The following DAB1 variants were observed in gnomAD, a reference collection of about 807,000 sequenced individuals.
The protein encoded by DAB1 is DAB adaptor protein 1, also known as disabled homolog 1.
Under a neutral mutation model 64.6 loss-of-function variants are expected in DAB1, and 15 were observed. That is an observed-to-expected ratio of 0.23 (90% confidence interval 0.16 to 0.36). The LOEUF is 0.36. DAB1 is among the 10% of genes least tolerant of loss of function. The probability of loss-of-function intolerance (pLI) is 1.00; values close to 1 mark genes in which losing one functional copy is unlikely to be tolerated. For synonymous variants in DAB1, 235 were observed against 251.9 expected (o/e 0.93, Z 0.64); for missense variants, 596 against 706.7 (o/e 0.84, Z 1.78).
intron 9 of DAB1, among the ~76,000 whole-genome samples, chr1:57,035,993 C>G (rs958509241): frequency 1.3e-5 from 2 of 151,840 alleles, no homozygotes; most frequent in African/African-American, 4.8e-5. Context: ...TAGGTGCATA[C>G]CACCATGCCT....
chr1:57,996,295 C>A (rs1646424225), intron 5 of DAB1, among the ~76,000 whole-genome samples: 1 of 152,070 alleles, frequency 6.6e-6, no homozygotes, highest in South Asian at 2.1e-4. Context: ...CTTCCCCATT[C>A]AGAATTGTGA....
At chr1:57,431,629 G>A (rs531243879) in intron 7 of DAB1, among the ~76,000 whole-genome samples, 5 of 152,262 alleles carry the variant, frequency 3.3e-5, no homozygotes, top group Admixed American at 6.5e-5. Context: ...AGCGGGTAGC[G>A]GACAGCAGCA....
Position 57,567,659 on chromosome 1 carries a change from A to C in DAB1, n.625+81933T>G, listed in dbSNP as rs528368289. Among the ~76,000 whole-genome samples the C allele has an allele frequency of 4.7e-4, 71 of 152,356 alleles. 1 individual carries two copies. In the South Asian group the frequency reaches 0.015, roughly 32 times the overall value. The stretch of plus-strand genomic sequence containing the variant: ...CAGACAAACAGAGAGCCAAATCATG[A>C]GTGAACTCCCATTCACAATTGCTTA... On this transcript the variant is annotated intron_variant and non_coding_transcript_variant, in intron 7 of 20. Coordinates refer to the DAB1 transcript ENST00000485760.
intron 2 of DAB1, among the ~76,000 whole-genome samples, chr1:58,525,518 T>G (rs1184125906): frequency 6.6e-6 from 1 of 152,088 alleles, no homozygotes; most frequent in Non-Finnish European, 1.5e-5. Context: ...ACAAAAGATG[T>G]GTAATTCCTA....
At chr1:57,240,947 G>C (rs532635893) in intron 2 of DAB1, among the ~76,000 whole-genome samples, 11 of 152,126 alleles carry the variant, frequency 7.2e-5, no homozygotes, top group African/African-American at 2.7e-4. Flanking sequence ...GCATCTCCTG[G>C]TGGGATTTTT....
At chr1:58,057,061 T>A (rs72906515) in intron 5 of DAB1, among the ~76,000 whole-genome samples, 6,190 of 152,158 alleles carry the variant, frequency 0.041, 418 homozygotes, top group African/African-American at 0.14. Context: ...AGGACCCTAA[T>A]TGATGACACA....
chr1:57,057,687 A>T (rs1483109588), intron 9 of DAB1, among the ~76,000 whole-genome samples: 1 of 150,262 alleles, frequency 6.7e-6, no homozygotes, highest in Non-Finnish European at 1.5e-5. Context: ...GGCTCACTGC[A>T]AGCTCTGCCT....
intron 4 of DAB1, among the ~76,000 whole-genome samples, chr1:58,222,384 C>G (rs1264500258): frequency 6.6e-6 from 1 of 152,152 alleles, no homozygotes. Flanking sequence ...ATGTTCATTG[C>G]ACCAAGCCTG....
intron 1 of DAB1, among the ~76,000 whole-genome samples, chr1:57,883,469 G>A (rs1319501953): frequency 6.6e-6 from 1 of 152,194 alleles, no homozygotes; most frequent in Non-Finnish European, 1.5e-5. Context: ...ATAAGGCAGA[G>A]AGCACAACCC....
At chr1:58,181,429 T>C (rs901175229) in intron 4 of DAB1, among the ~76,000 whole-genome samples, 9 of 152,160 alleles carry the variant, frequency 5.9e-5, no homozygotes, top group Admixed American at 6.5e-5. Flanking sequence ...AGTTAATTCA[T>C]TTACATCTAA....
chr1:57,963,385 T>G (rs1267904897), intron 5 of DAB1, among the ~76,000 whole-genome samples: 4 of 152,188 alleles, frequency 2.6e-5, no homozygotes. Flanking sequence ...AGGTATCTTA[T>G]CTGTAGTTTC....
chr1:57,647,896 A>G (rs1426373068), intron 7 of DAB1, among the ~76,000 whole-genome samples: 1 of 152,228 alleles, frequency 6.6e-6, no homozygotes, highest in East Asian at 1.9e-4. Context: ...AGGCACATGT[A>G]TGAGAAAGCT....
At chr1:58,201,022 G>GTTT (rs201977266) in intron 4 of DAB1, among the ~76,000 whole-genome samples, 165 of 143,074 alleles carry the variant, frequency 1.2e-3, no homozygotes, top group East Asian at 5.7e-3. Flanking sequence ...TGTTTGTTTT[G>GTTT]TTTTTTTTTT....
At chr1:58,348,004 G>A (rs1557736879) in intron 3 of DAB1, among the ~76,000 whole-genome samples, 2 of 152,140 alleles carry the variant, frequency 1.3e-5, no homozygotes, top group Non-Finnish European at 2.9e-5. Flanking sequence ...TGATGCCAGG[G>A]CTCTTAGCAT....
At chr1:57,007,795 G>T (rs1646132238) in intron 14 of DAB1, among the ~76,000 whole-genome samples, 1 of 152,198 alleles carries the variant, frequency 6.6e-6, no homozygotes, top group Admixed American at 6.5e-5. Context: ...AAAAAATAAA[G>T]CCATGGACAT....
chr1:57,396,663 G>A (rs779963419), intron 1 of DAB1, among the ~76,000 whole-genome samples: 2 of 152,144 alleles, frequency 1.3e-5, no homozygotes, highest in African/African-American at 2.4e-5. Flanking sequence ...TTAATAGCTA[G>A]CCATGTGACC....
At chr1:57,780,393 T>G (rs1650006628) in intron 6 of DAB1, among the ~76,000 whole-genome samples, 1 of 152,170 alleles carries the variant, frequency 6.6e-6, no homozygotes, top group South Asian at 2.1e-4. Flanking sequence ...AACTGATTAC[T>G]AAGTAGCATG....
chr1:57,119,221 A>G (rs1656419860), intron 4 of DAB1, among the ~76,000 whole-genome samples: 1 of 152,206 alleles, frequency 6.6e-6, no homozygotes, highest in African/African-American at 2.4e-5. Context: ...TGCAAGATTT[A>G]TGGCATTCCT....
intron 7 of DAB1, among the ~76,000 whole-genome samples, chr1:57,536,397 C>T (rs1054551207): frequency 6.6e-6 from 1 of 152,100 alleles, no homozygotes; most frequent in Non-Finnish European, 1.5e-5. Context: ...TCTGATGCAC[C>T]CACAGTGATG....
Sources: allele counts gnomAD v4.1 joint callset (sites outside exome capture counted in the v4.1 genomes callset), GRCh38; gene constraint gnomAD v4.1.1; transcripts MANE v1.5; gene names NCBI Gene and HGNC (gene_info 2026-07-23, HGNC 2026-07-21).